The following SYNDIG1 variants were observed in gnomAD, a reference collection of about 807,000 sequenced individuals.
SYNDIG1 encodes synapse differentiation inducing 1, also known as synapse differentiation-inducing gene protein 1.
In SYNDIG1, 9 loss-of-function variants were observed where a neutral mutation model predicts 19.4. That is an observed-to-expected ratio of 0.46 (90% CI 0.28 to 0.81). SYNDIG1 has a LOEUF of 0.81. Among genes scored for constraint, SYNDIG1 ranks in the 30% least tolerant of loss-of-function variants. The pLI is 0.12. For synonymous variants in SYNDIG1, 141 were observed against 145.9 expected (o/e 0.97, Z 0.24); for missense variants, 311 against 343.3 (o/e 0.91, Z 0.74).
intron 1 of SYNDIG1, among the ~76,000 whole-genome samples, chr20:24,477,568 T>C (rs936975133): frequency 3.9e-5 from 6 of 152,124 alleles, no homozygotes; most frequent in Non-Finnish European, 8.8e-5. Context: ...GGTCTCTGGA[T>C]CAGAGAGCCA....
At chr20:24,635,205 C>T (rs780831537) in intron 3 of SYNDIG1, among the ~76,000 whole-genome samples, 1 of 152,204 alleles carries the variant, frequency 6.6e-6, no homozygotes, top group Non-Finnish European at 1.5e-5. Flanking sequence ...GGTGGTGACT[C>T]ATGAACACAC....
chr20:24,548,441 G>A (rs2057635339), intron 2 of SYNDIG1, among the ~76,000 whole-genome samples: 1 of 152,196 alleles, frequency 6.6e-6, no homozygotes, highest in South Asian at 2.1e-4. Context: ...GGAGGACACA[G>A]AATTCTATAA....
In SYNDIG1 at chr20:24,549,004, T is replaced by C. The variant is rs796263212; in HGVS notation, c.480+5427T>C. ...GTGATGTTTTGATACATGTAACATA[T>C]GGTGATCAGATCAGGGTAATTAGCA... On this transcript the variant is annotated intron_variant, in intron 2 of 3. Transcript: ENST00000376862. Among the ~76,000 whole-genome samples the C allele has an allele frequency of 1.2e-4, 18 of 152,300 alleles. 1 individual carries two copies. Among genetic ancestry groups the C allele is most frequent in the African/African-American group, 4.1e-4 (17 of 41,562 alleles).
Position 24,665,330 on chromosome 20 carries a change from T to G in SYNDIG1, c.619-16T>G. On this transcript the variant is annotated splice_polypyrimidine_tract_variant and intron_variant, in intron 3 of 3. Transcript: ENST00000376862. ...CTTGCTTACAATGACTTCCTTTTTC[T>G]TCTCCAACTCTGCAGACCAACAAAG... The G allele has an allele frequency of 1.3e-6, 2 of 1,585,208 alleles. No individual in the cohort carries two copies. The highest frequency in any genetic ancestry group is 1.7e-6 in the Non-Finnish European group (2 of 1,168,272).
At chr20:24,616,806 C>T (rs766168415) in intron 3 of SYNDIG1, among the ~76,000 whole-genome samples, 1 of 152,234 alleles carries the variant, frequency 6.6e-6, no homozygotes, top group Admixed American at 6.5e-5. Flanking sequence ...CCCGGCTGCT[C>T]CTCATAAGGT....
chr20:24,535,043 G>A (rs1277326004), intron 1 of SYNDIG1, among the ~76,000 whole-genome samples: 1 of 152,196 alleles, frequency 6.6e-6, no homozygotes, highest in East Asian at 1.9e-4. Flanking sequence ...GTGGGGTGTG[G>A]TGTTTGCTGG....
intron 1 of SYNDIG1, among the ~76,000 whole-genome samples, chr20:24,484,903 TTTGGGTGATGG>T (rs1450890654): frequency 2.6e-5 from 4 of 151,934 alleles, no homozygotes; most frequent in Non-Finnish European, 5.9e-5. Flanking sequence ...GTGGGAGGGG[TTTGGGTGATGG>T]GGGCAGATCC....
chr20:24,641,217 C>T (rs930113849), intron 3 of SYNDIG1, among the ~76,000 whole-genome samples: 4 of 152,190 alleles, frequency 2.6e-5, no homozygotes, highest in Non-Finnish European at 5.9e-5. Context: ...AATGGTTTCA[C>T]ACGCAGACAT....
intron 3 of SYNDIG1, among the ~76,000 whole-genome samples, chr20:24,586,674 A>C (rs2058423548): frequency 6.6e-6 from 1 of 152,106 alleles, no homozygotes; most frequent in Non-Finnish European, 1.5e-5. Flanking sequence ...CGTCATCTCC[A>C]TGTGGGGAAG....
intron 3 of SYNDIG1, among the ~76,000 whole-genome samples, chr20:24,634,516 G>A (rs1306121316): frequency 6.6e-6 from 1 of 152,154 alleles, no homozygotes; most frequent in Non-Finnish European, 1.5e-5. Flanking sequence ...GTGAATGCCT[G>A]TCTTTCCCAC....
intron 1 of SYNDIG1, among the ~76,000 whole-genome samples, chr20:24,495,973 T>C (rs1300181908): frequency 1.3e-5 from 2 of 152,088 alleles, no homozygotes; most frequent in South Asian, 2.1e-4. Flanking sequence ...GCCTCCCGAG[T>C]AGCTGGGACT....
intron 3 of SYNDIG1, among the ~76,000 whole-genome samples, chr20:24,623,051 A>T (rs550382241): frequency 4.5e-4 from 68 of 152,200 alleles, no homozygotes; most frequent in Non-Finnish European, 7.8e-4. Context: ...AAACTGTGCA[A>T]CTCTGTAATC....
chr20:24,543,832 C>T (rs751817587), intron 2 of SYNDIG1, among the ~76,000 whole-genome samples: 15 of 152,170 alleles, frequency 9.9e-5, no homozygotes, highest in Non-Finnish European at 2.1e-4. Context: ...GTAATGGCTG[C>T]AGATGGCAGT....
chr20:24,619,347 G>A (rs1019089604), intron 3 of SYNDIG1, among the ~76,000 whole-genome samples: 1 of 152,192 alleles, frequency 6.6e-6, no homozygotes, highest in Non-Finnish European at 1.5e-5. Context: ...GGGACCCAGG[G>A]CCATTCCTCC....
At chr20:24,573,873 G>A (rs912678281) in intron 2 of SYNDIG1, among the ~76,000 whole-genome samples, 1 of 152,176 alleles carries the variant, frequency 6.6e-6, no homozygotes, top group African/African-American at 2.4e-5. Context: ...GGTGCTCTCA[G>A]CTCCCCTTAC....
intron 1 of SYNDIG1, among the ~76,000 whole-genome samples, chr20:24,507,208 C>T (rs914354118): frequency 6.6e-6 from 1 of 152,178 alleles, no homozygotes; most frequent in African/African-American, 2.4e-5. Context: ...TGCGACTGCT[C>T]CTGGGCTCTG....
intron 3 of SYNDIG1, among the ~76,000 whole-genome samples, chr20:24,591,209 C>T (rs932001313): frequency 4.3e-4 from 65 of 151,690 alleles, no homozygotes; most frequent in African/African-American, 1.5e-3. Flanking sequence ...GCCTGTGCAA[C>T]AGACCCCATG....
intron 1 of SYNDIG1, among the ~76,000 whole-genome samples, chr20:24,470,390 C>A (rs986441873): frequency 6.6e-6 from 1 of 152,228 alleles, no homozygotes; most frequent in Non-Finnish European, 1.5e-5. Flanking sequence ...ACTCCTGGAG[C>A]CTCTTTCCTC....
chr20:24,641,597 T>C (rs1180602318), intron 3 of SYNDIG1, among the ~76,000 whole-genome samples: 1 of 152,212 alleles, frequency 6.6e-6, no homozygotes, highest in Admixed American at 6.5e-5. Context: ...ATTATAACTC[T>C]ATTTTAGGGA....
Sources: allele counts gnomAD v4.1 joint callset (sites outside exome capture counted in the v4.1 genomes callset), GRCh38; gene constraint gnomAD v4.1.1; transcripts MANE v1.5; gene names NCBI Gene and HGNC (gene_info 2026-07-23, HGNC 2026-07-21).